The following LMOD1 variants were observed in gnomAD, a reference collection of about 807,000 sequenced individuals.
The protein encoded by LMOD1 is leiomodin 1.
A neutral mutation model predicts 36.5 loss-of-function variants in LMOD1; 8 were observed. The observed-to-expected ratio is 0.22, with a 90% CI of 0.13 to 0.40. LMOD1 has a LOEUF of 0.40. Ranked by LOEUF, LMOD1 falls within the 10% of genes least tolerant of loss-of-function variation. The probability of loss-of-function intolerance (pLI) is 1.00; values close to 1 mark genes in which losing one functional copy is unlikely to be tolerated. For missense variants in LMOD1, 630 were observed against 751.1 expected, an observed-to-expected ratio of 0.84 and a Z score of 1.88; for synonymous variants, 284 against 288.7, an observed-to-expected ratio of 0.98 and a Z score of 0.17.
Position 201,929,944 on chromosome 1 carries a change from G to A in LMOD1, c.261+16136C>T, listed in dbSNP as rs141166388. ...ACACAACTTAGGCTGGGGGGGTCCG[G>A]AAAGCCTCTAGAGAAAGTGTCACCT... On this transcript the variant is annotated intron_variant, in intron 1 of 2. Transcript: ENST00000367288. Among the ~76,000 whole-genome samples, 135 of 152,310 alleles carry A rather than the reference G, an allele frequency of 8.9e-4. 2 individuals carry two copies. The highest frequency in any genetic ancestry group is 3.1e-3 in the African/African-American group (130 of 41,568).
At position 201,946,467 on chromosome 1, in the gene LMOD1, C is replaced by A; in HGVS notation, c.-127G>T. ...CAAACCTCCTGCTGGTCGAGGACTGCAGCTCCTTGGCCCTTCTGTGCTACA... is the reference window on the plus strand; with the variant it reads ...CAAACCTCCTGCTGGTCGAGGACTGAAGCTCCTTGGCCCTTCTGTGCTACA... On this transcript the variant is annotated 5_prime_UTR_variant, in exon 1 of 3. Coordinates refer to ENST00000367288, the MANE Select transcript of LMOD1 (RefSeq NM_012134.3). 1 of 954,402 alleles carries A rather than the reference C, an allele frequency of 1.0e-6. No homozygotes were observed. Among genetic ancestry groups the A allele is most frequent in the Non-Finnish European group, 1.6e-6 (1 of 641,246 alleles). 59.1% of individuals were successfully genotyped at this position (954,402 alleles called of 1,614,324 possible).
At chr1:201,935,285 C>A (rs976727492) in intron 1 of LMOD1, among the ~76,000 whole-genome samples, 1 of 150,798 alleles carries the variant, frequency 6.6e-6, no homozygotes, top group Non-Finnish European at 1.5e-5. Flanking sequence ...CGGGGTGATC[C>A]GTACTGCCTA....
intron 1 of LMOD1, among the ~76,000 whole-genome samples, chr1:201,910,503 C>T (rs572834727): frequency 1.9e-4 from 29 of 152,206 alleles, no homozygotes; most frequent in African/African-American, 5.1e-4. Flanking sequence ...AGTCTGGTCT[C>T]GAACTCCTGT....
intron 1 of LMOD1, among the ~76,000 whole-genome samples, chr1:201,916,107 G>A (rs193008279): frequency 4.6e-5 from 7 of 151,694 alleles, no homozygotes; most frequent in Admixed American, 2.0e-4. Context: ...TTGTAGAGAC[G>A]GGGTTTCGCC....
chr1:201,916,116 C>T (rs182886151), intron 1 of LMOD1, among the ~76,000 whole-genome samples: 327 of 151,902 alleles, frequency 2.2e-3, no homozygotes, highest in Non-Finnish European at 3.9e-3. Flanking sequence ...CGGGGTTTCG[C>T]CATGTTGCCC....
intron 1 of LMOD1, among the ~76,000 whole-genome samples, chr1:201,915,881 T>G (rs1439183942): frequency 6.6e-6 from 1 of 152,108 alleles, no homozygotes; most frequent in Admixed American, 6.5e-5. Context: ...GGGACCTTGC[T>G]GAAGGCCAGA....
chr1:201,930,870 G>A (rs1383691985), intron 1 of LMOD1, among the ~76,000 whole-genome samples: 2 of 152,204 alleles, frequency 1.3e-5, no homozygotes, highest in East Asian at 3.8e-4. Flanking sequence ...CGAGGGAAAT[G>A]AGTGTTTAAA....
At chr1:201,901,747 C>A (rs946435447) in intron 1 of LMOD1, among the ~76,000 whole-genome samples, 5 of 141,766 alleles carry the variant, frequency 3.5e-5, no homozygotes, top group African/African-American at 1.3e-4. Flanking sequence ...TTTTGGCATC[C>A]GCTTATATTC....
chr1:201,943,852 T>C (rs1347785250), intron 1 of LMOD1, among the ~76,000 whole-genome samples: 2 of 152,178 alleles, frequency 1.3e-5, no homozygotes, highest in Admixed American at 1.3e-4. Flanking sequence ...AGGCTTAGAT[T>C]AGGTAACTTG....
At chr1:201,920,711 G>A (rs1212935271) in intron 1 of LMOD1, among the ~76,000 whole-genome samples, 1 of 152,180 alleles carries the variant, frequency 6.6e-6, no homozygotes, top group Non-Finnish European at 1.5e-5. Flanking sequence ...CCTCTACACA[G>A]TGCAGGACCC....
intron 1 of LMOD1, among the ~76,000 whole-genome samples, chr1:201,943,227 C>A (rs140074901): frequency 6.6e-6 from 1 of 152,306 alleles, no homozygotes; most frequent in Non-Finnish European, 1.5e-5. Flanking sequence ...CCTAGTATGG[C>A]AGAGAGGAAG....
At chr1:201,918,507 T>C (rs909219486) in intron 1 of LMOD1, among the ~76,000 whole-genome samples, 3 of 152,220 alleles carry the variant, frequency 2.0e-5, no homozygotes, top group Non-Finnish European at 2.9e-5. Flanking sequence ...CCTTCCTGCC[T>C]GCACTCTGGT....
chr1:201,943,036 C>G (rs1682146139), intron 1 of LMOD1, among the ~76,000 whole-genome samples: 1 of 152,134 alleles, frequency 6.6e-6, no homozygotes, highest in African/African-American at 2.4e-5. Context: ...AGTTATGTTC[C>G]TACTCATGGG....
chr1:201,912,035 G>T (rs1681504613), intron 1 of LMOD1, among the ~76,000 whole-genome samples: 1 of 152,174 alleles, frequency 6.6e-6, no homozygotes, highest in Admixed American at 6.5e-5. Flanking sequence ...GTAAGCCTGA[G>T]AAAGCCCTTC....
chr1:201,924,811 G>A (rs1443340639), intron 1 of LMOD1, among the ~76,000 whole-genome samples: 2 of 152,218 alleles, frequency 1.3e-5, no homozygotes, highest in African/African-American at 4.8e-5. Flanking sequence ...GATGAAGCCA[G>A]GAGTTCAAGG....
In LMOD1 at chr1:201,907,521, G is replaced by A. The variant is rs140361093; in HGVS notation, c.262-6770C>T. 2.4e-3 allele frequency among the ~76,000 whole-genome samples: 368 copies of A among 152,306 alleles called. 1 individual carries two copies. Among genetic ancestry groups the A allele is most frequent in the African/African-American group, 8.5e-3 (354 of 41,568 alleles). ...GGTGAAATTTGTTCTTACCCAGAAT[G>A]GAACTACATTGTGTGCTTTTCCATG... On this transcript the variant is annotated intron_variant, in intron 1 of 2. Transcript: ENST00000367288.
rs138000669 is a variant in LMOD1, at chr1:201,926,131, G to A, written c.261+19949C>T. Among the ~76,000 whole-genome samples the A allele has an allele frequency of 8.4e-4, 128 of 152,322 alleles. 1 individual carries two copies. The highest frequency in any genetic ancestry group is 3.4e-3 in the Middle Eastern group (1 of 294). On this transcript the variant is annotated intron_variant, in intron 1 of 2. Transcript: ENST00000367288. ...ATTTCCCCACAGGGAGTCAAAGCGA[G>A]AGGGAGGTGGGGCTTTGCTCTGCTT... is the stretch of plus-strand genomic sequence containing the variant.
intron 1 of LMOD1, among the ~76,000 whole-genome samples, chr1:201,932,476 G>C (rs1283155310): frequency 6.6e-6 from 1 of 152,216 alleles, no homozygotes; most frequent in South Asian, 2.1e-4. Context: ...GATGGGCCGG[G>C]AGTGGTGGTT....
Position 201,924,181 on chromosome 1 carries a change from G to A in LMOD1, c.261+21899C>T, listed in dbSNP as rs1297718722. Among the ~76,000 whole-genome samples, 8 of 151,054 alleles carry A rather than the reference G, an allele frequency of 5.3e-5. No homozygotes were observed. The South Asian group carries it at 8.4e-4, about 16-fold the overall frequency. Reference sequence around the variant, plus strand: ...ATACCAAAAAAAAAAAAAATTAGCCGGGAGCGGTGGCGGGCACCTATAGTC... The same window carrying A: ...ATACCAAAAAAAAAAAAAATTAGCCAGGAGCGGTGGCGGGCACCTATAGTC... On this transcript the variant is annotated intron_variant, in intron 1 of 2. Transcript: ENST00000367288.
Sources: gnomAD v4.1 joint callset for allele counts (sites outside exome capture counted in the v4.1 genomes callset) on GRCh38, gnomAD v4.1.1 for gene constraint, MANE v1.5 for transcripts, NCBI Gene and HGNC (gene_info 2026-07-23, HGNC 2026-07-21) for gene names.